The following BMP7 variants were observed in gnomAD, a reference collection of about 807,000 sequenced individuals.
BMP7 encodes the protein osteogenic protein 1.
In BMP7, 12 loss-of-function variants were observed where a neutral mutation model predicts 41.2. The observed-to-expected ratio is 0.29, with a 90% CI of 0.19 to 0.47. BMP7 has a LOEUF of 0.47. Among genes scored for constraint, BMP7 ranks in the 20% least tolerant of loss-of-function variants. The pLI is 0.99. For synonymous variants in BMP7, 248 were observed against 250.0 expected (o/e 0.99, Z 0.07); for missense variants, 467 against 606.0 (o/e 0.77, Z 2.41).
intron 2 of BMP7, among the ~76,000 whole-genome samples, chr20:57,220,639 C>A (rs1022545638): frequency 6.6e-6 from 1 of 152,186 alleles, no homozygotes; most frequent in South Asian, 2.1e-4. Flanking sequence ...GCCGCACACA[C>A]GCTGATGTCT....
chr20:57,183,970 G>T, intron 3 of BMP7, 51 bp from the exon 4 acceptor site: 1 of 1,590,480 alleles, frequency 6.3e-7, no homozygotes, highest in South Asian at 1.1e-5. Context: ...GGAGGGCCAC[G>T]AGCGGGACAG....
At chr20:57,204,252 C>A (rs1012014675) in intron 2 of BMP7, among the ~76,000 whole-genome samples, 6 of 152,208 alleles carry the variant, frequency 3.9e-5, no homozygotes, top group African/African-American at 1.4e-4. Flanking sequence ...GCACACATCT[C>A]CGGTTGGCTC....
At chr20:57,180,119 A>G (rs1332990211) in intron 4 of BMP7, among the ~76,000 whole-genome samples, 1 of 151,790 alleles carries the variant, frequency 6.6e-6, no homozygotes, top group Non-Finnish European at 1.5e-5. Context: ...GCCTCTGAGC[A>G]CCCCCTCGGC....
intron 1 of BMP7, among the ~76,000 whole-genome samples, chr20:57,247,813 C>A (rs374872915): frequency 6.6e-6 from 1 of 152,274 alleles, no homozygotes; most frequent in Admixed American, 6.5e-5. Flanking sequence ...ACAAGCAGAA[C>A]TCAAACCAAG....
At chr20:57,238,950 G>C (rs994304394) in intron 1 of BMP7, among the ~76,000 whole-genome samples, 13 of 152,036 alleles carry the variant, frequency 8.6e-5, no homozygotes, top group Non-Finnish European at 1.8e-4. Context: ...TGGGCATTCT[G>C]GGAGATACAA....
chr20:57,196,132 G>C (rs1221156441), intron 3 of BMP7, among the ~76,000 whole-genome samples: 1 of 152,166 alleles, frequency 6.6e-6, no homozygotes, highest in East Asian at 1.9e-4. Flanking sequence ...CATGAACCAG[G>C]ACAAAAGGCT....
Position 57,176,750 on chromosome 20 carries a change from TCACA to T in BMP7, c.959-1747_959-1744del, listed in dbSNP as rs60465573. Among the ~76,000 whole-genome samples, 346 of 135,510 alleles carry T rather than the reference TCACA, an allele frequency of 2.6e-3. 3 individuals are homozygous for T. Among genetic ancestry groups the T allele is most frequent in the Admixed American group, 4.7e-3 (62 of 13,268 alleles). 88.9% of individuals were successfully genotyped at this position (135,510 alleles called of 152,430 possible). ...ATTTGAAACTACGCACATTCTCCAT[TCACA>T]CACACACACACACACACACACACAC... is the stretch of plus-strand genomic sequence containing the variant. On this transcript the variant is annotated intron_variant, in intron 4 of 6. Coordinates refer to ENST00000395863, the MANE Select transcript of BMP7 (RefSeq NM_001719.3).
At chr20:57,233,117 A>T (rs1363632037) in intron 1 of BMP7, among the ~76,000 whole-genome samples, 1 of 152,142 alleles carries the variant, frequency 6.6e-6, no homozygotes, top group Non-Finnish European at 1.5e-5. Flanking sequence ...TACTGTATAT[A>T]GTTGATTACC....
intron 1 of BMP7, among the ~76,000 whole-genome samples, chr20:57,237,361 C>G (rs1235914950): frequency 1.3e-5 from 2 of 152,268 alleles, no homozygotes; most frequent in South Asian, 2.1e-4. Context: ...AACTACCAAC[C>G]CTGGCTCGCT....
chr20:57,176,064 G>A (rs944782733), intron 4 of BMP7, among the ~76,000 whole-genome samples: 2 of 152,258 alleles, frequency 1.3e-5, no homozygotes, highest in African/African-American at 4.8e-5. Flanking sequence ...CAGGAGTCAG[G>A]AAGTGGTTCA....
At chr20:57,238,338 C>T (rs922902702) in intron 1 of BMP7, among the ~76,000 whole-genome samples, 12 of 152,316 alleles carry the variant, frequency 7.9e-5, no homozygotes, top group African/African-American at 2.4e-4. Flanking sequence ...GGATGGGCCA[C>T]ATTTTGTTTA....
At chr20:57,183,972 G>A in intron 3 of BMP7, 53 bp from the exon 4 acceptor site, 1 of 1,585,686 alleles carries the variant, frequency 6.3e-7, no homozygotes. Context: ...AGGGCCACGA[G>A]CGGGACAGGG....
chr20:57,186,604 A>G (rs1315775370), intron 3 of BMP7, among the ~76,000 whole-genome samples: 2 of 152,170 alleles, frequency 1.3e-5, no homozygotes, highest in Non-Finnish European at 2.9e-5. Flanking sequence ...AACCCAGGTG[A>G]GGATGACGGG....
chr20:57,256,911 T>G (rs1415703536), intron 1 of BMP7, among the ~76,000 whole-genome samples: 2 of 151,630 alleles, frequency 1.3e-5, no homozygotes. Context: ...AAAAAAGAAA[T>G]AAGTTGTATA....
intron 1 of BMP7, among the ~76,000 whole-genome samples, chr20:57,247,209 A>G (rs886185965): frequency 6.6e-6 from 1 of 152,236 alleles, no homozygotes; most frequent in Admixed American, 6.5e-5. Context: ...ATGAGTGAAC[A>G]TGTGATTCAA....
intron 1 of BMP7, among the ~76,000 whole-genome samples, chr20:57,254,172 A>G (rs2066125166): frequency 6.6e-6 from 1 of 151,086 alleles, no homozygotes; most frequent in African/African-American, 2.4e-5. Flanking sequence ...AAAGGTGTGT[A>G]CCACCACACC....
intron 4 of BMP7, among the ~76,000 whole-genome samples, chr20:57,180,656 C>T (rs1984060025): frequency 1.3e-5 from 2 of 152,118 alleles, no homozygotes; most frequent in Admixed American, 1.3e-4. Context: ...AAAGAGGCTT[C>T]GAATACAAAT....
intron 1 of BMP7, among the ~76,000 whole-genome samples, chr20:57,262,289 G>T (rs534510950): frequency 1.3e-5 from 2 of 152,350 alleles, no homozygotes. Flanking sequence ...AGGAGTCGGG[G>T]TTGTTAATCC....
chr20:57,202,135 T>G (rs1984634870), intron 3 of BMP7, among the ~76,000 whole-genome samples: 1 of 152,182 alleles, frequency 6.6e-6, no homozygotes, highest in Non-Finnish European at 1.5e-5. Flanking sequence ...TGGTGTCACC[T>G]TGGGGCTCTA....
Sources: allele counts gnomAD v4.1 joint callset (sites outside exome capture counted in the v4.1 genomes callset), GRCh38; gene constraint gnomAD v4.1.1; transcripts MANE v1.5; gene names NCBI Gene and HGNC (gene_info 2026-07-23, HGNC 2026-07-21).